CELSR2: variants seen among roughly 807,000 people sequenced by gnomAD.
CELSR2 encodes the protein cadherin EGF LAG seven-pass G-type receptor 2.
CELSR2 carries 81 observed loss-of-function variants against 251.6 expected under a neutral mutation model. The ratio of observed to expected loss-of-function variants is 0.32; its 90% CI spans 0.27 to 0.39. The LOEUF is 0.39. CELSR2 is among the 10% of genes least tolerant of loss of function. The probability of loss-of-function intolerance (pLI) is 1.00; values close to 1 mark genes in which losing one functional copy is unlikely to be tolerated. For synonymous variants in CELSR2, 1,721 were observed against 1,670.5 expected (o/e 1.03, Z -0.74); for missense variants, 3,365 against 3,947.7 (o/e 0.85, Z 3.96).
In CELSR2 at chr1:109,265,247, A is replaced by G; in HGVS notation, c.5663A>G (p.Asn1888Ser). The change falls in exon 13 of 34, where the codon AAC becomes AGC. Residue 1888 changes from asparagine (N) to serine (S), a missense_variant. By Grantham distance (46) the Asn-to-Ser change is conservative (BLOSUM62 1). Coordinates refer to ENST00000271332, the MANE Select transcript of CELSR2 (RefSeq NM_001408.3). Reference protein sequence around the residue: ...WWGHPTCGPCNCDVSKGFDPD... With the variant: ...WWGHPTCGPCSCDVSKGFDPD... ...GGACATCCCACATGTGGCCCATGCA[A>G]CTGTGATGTCAGCAAAGGCTTTGAC... is the stretch of plus-strand genomic sequence containing the variant. 1.2e-6 allele frequency: 2 copies of G among 1,613,098 alleles called. No homozygotes were observed. The highest frequency in any genetic ancestry group is 2.2e-5 in the East Asian group (1 of 44,884).
intron 13 of CELSR2, 36 bp from the exon 14 acceptor site, chr1:109,265,699 C>CCG: frequency 6.3e-7 from 1 of 1,588,358 alleles, no homozygotes; most frequent in Non-Finnish European, 8.6e-7. Context: ...GGGAAGAGAG[C>CCG]CTGGCCAGTG....
chr1:109,263,125 C>T lies in CELSR2; in HGVS notation c.4709-17C>T, dbSNP rs774285379. On this transcript the variant is annotated splice_polypyrimidine_tract_variant and intron_variant, in intron 7 of 33. Transcript: ENST00000271332. ...GCCCCAGCTCAGGTCCACTGAGCTG[C>T]CTTCTCTCCATTCCAGGCTGCCCTG... is the stretch of plus-strand genomic sequence containing the variant. The T allele has an allele frequency of 1.9e-6, 3 of 1,591,428 alleles. No individual in the cohort carries two copies. In the South Asian group the frequency reaches 3.3e-5, roughly 18 times the overall value.
At position 109,252,256 on chromosome 1, in the gene CELSR2, C is replaced by T. The variant is rs141335436; in HGVS notation, c.2177C>T (p.Pro726Leu). Residue 726 changes from proline to leucine, a missense_variant, in exon 1 of 34, where the codon CCG (proline) becomes CTG (leucine). By Grantham distance (98) the Pro-to-Leu change is moderately conservative. Around this residue, in one of 5 missense-constraint regions of CELSR2, gnomAD observed 505 missense variants for 660.0 expected, o/e 0.77. Transcript: ENST00000271332. The surrounding 1 kb of genome is among the most constrained non-coding windows in gnomAD (Gnocchi z 4.8). ...ACAGTGAATGTTAATGAGGACCGGC[C>T]GGCAGGCACCACGGTGGTGCTGATC... ...HYTVNVNEDR[P>L]AGTTVVLISA... is the part of the protein sequence containing the mutation. The T allele has an allele frequency of 3.1e-6, 5 of 1,613,372 alleles. No homozygotes were observed. Among genetic ancestry groups the T allele is most frequent in the South Asian group, 2.2e-5 (2 of 91,084 alleles).
Position 109,251,719 on chromosome 1 carries a change from T to G in CELSR2, c.1640T>G (p.Val547Gly), listed in dbSNP as rs1655696736. 6.2e-7 allele frequency: 1 copy of G among 1,613,818 alleles called. No individual in the cohort carries two copies. The highest frequency in any genetic ancestry group is 1.3e-5 in the African/African-American group (1 of 74,832). ...NARLEYRLAG[V>G]GHDFPFTINN... ...CGCCTGGAATACCGCCTTGCTGGGG[T>G]GGGACATGACTTCCCCTTCACCATC... Residue 547 changes from valine to glycine, a missense_variant, in exon 1 of 34, where the codon GTG becomes GGG. Physicochemically the swap from Val to Gly is moderately radical, Grantham distance 109. This residue lies in a region of CELSR2 where 704 missense variants were observed against 784.1 expected (regional missense o/e 0.90). Coordinates refer to ENST00000271332, the MANE Select transcript of CELSR2 (RefSeq NM_001408.3). The surrounding 1 kb of genome is among the most constrained non-coding windows in gnomAD (Gnocchi z 4.9).
In CELSR2 at chr1:109,270,129, T is replaced by C; in HGVS notation, c.7304T>C (p.Leu2435Pro). 1 of 1,613,756 alleles carries C rather than the reference T, an allele frequency of 6.2e-7. No individual in the cohort carries two copies. The part of the protein sequence containing the change: ...VFLLGINQAD[L>P]PFACTVIAIL... ...CTCCTGGGAATCAACCAGGCTGACCTCCCTGTAAGATGCTCCTACTGCCCA... is the reference window on the plus strand; with the variant it reads ...CTCCTGGGAATCAACCAGGCTGACCCCCCTGTAAGATGCTCCTACTGCCCA... Residue 2435 changes from leucine (L) to proline (P), a missense_variant, in exon 23 of 34, where the codon CTC (leucine) becomes CCC (proline). Physicochemically the swap from Leu to Pro is moderately conservative, Grantham distance 98. Transcript: ENST00000271332.
chr1:109,250,908 A>G lies in CELSR2; in HGVS notation c.829A>G (p.Ile277Val), dbSNP rs749378449. 4 of 1,613,808 alleles carry G rather than the reference A, an allele frequency of 2.5e-6. No individual in the cohort carries two copies. The African/African-American group carries it at 4.0e-5, about 16-fold the overall frequency. ...PRRSALATLT[I>V]LVTDTNDHDP... ...ACGAAGTGCCCTGGCTACACTCACC[A>G]TCTTGGTTACTGACACCAATGACCA... Residue 277 changes from isoleucine to valine, a missense_variant, in exon 1 of 34, where the codon ATC (isoleucine) becomes GTC (valine). Physicochemically the swap from Ile to Val is conservative, Grantham distance 29 (BLOSUM62 3). This residue lies in a region of CELSR2 where 704 missense variants were observed against 784.1 expected (regional missense o/e 0.90). Transcript: ENST00000271332. The surrounding 1 kb of genome is among the most constrained non-coding windows in gnomAD (Gnocchi z 4.4).
chr1:109,267,973 C>G lies in CELSR2; in HGVS notation c.6231C>G (p.Ala2077=), dbSNP rs749299951. ...ACTTCGGCAGCGACGTCAAGGTGGC[C>G]TACCAGCTGGCCACGCGGCTGCTGG... ...AGYFGSDVKV[A]YQLATRLLAH... The change falls in exon 17 of 34, where the codon GCC becomes GCG. Residue 2077 remains alanine, a synonymous_variant. Coordinates refer to ENST00000271332, the MANE Select transcript of CELSR2 (RefSeq NM_001408.3). 6.2e-7 allele frequency: 1 copy of G among 1,611,418 alleles called. No homozygotes were observed. The highest frequency in any genetic ancestry group is 1.7e-5 in the Admixed American group (1 of 60,014).
chr1:109,271,384 A>T lies in CELSR2; in HGVS notation c.7677-2A>T. ...GGACTCATGGCCTGTCCCTATCCCC[A>T]GCTCGGGCCTGCAGCCCTCCTTCGC... On this transcript the variant is annotated splice_acceptor_variant, in intron 26 of 33. Coordinates refer to ENST00000271332, the MANE Select transcript of CELSR2 (RefSeq NM_001408.3). LOFTEE classifies it high-confidence loss of function. 6.2e-7 allele frequency: 1 copy of T among 1,611,338 alleles called. No individual in the cohort carries two copies. Among genetic ancestry groups the T allele is most frequent in the Non-Finnish European group, 8.5e-7 (1 of 1,179,456 alleles).
rs200743255 is a variant in CELSR2 at position 109,271,668 on chromosome 1, C to T, written c.7872C>T (p.Cys2624=). ...TCCGGAAAGCACTCAAGCTTGCCTG[C>T]AGCCGCAAGCCCAGCCCTGACCCTG... ...KEVRKALKLA[C]SRKPSPDPAL... Residue 2624 remains cysteine (C), a synonymous_variant, in exon 28 of 34, where the codon TGC becomes TGT. Coordinates refer to ENST00000271332, the MANE Select transcript of CELSR2 (RefSeq NM_001408.3). 128 of 1,613,932 alleles carry T rather than the reference C, an allele frequency of 7.9e-5. No individual in the cohort carries two copies. The highest frequency in any genetic ancestry group is 1.1e-4 in the Non-Finnish European group (125 of 1,180,044).
chr1:109,262,563 A>C (rs1240401923), intron 6 of CELSR2, 119 bp downstream of exon 6: 4 of 1,419,100 alleles, frequency 2.8e-6, no homozygotes, highest in East Asian at 2.4e-5. Flanking sequence ...GCCCCTGCTC[A>C]GCCCTGGGGA....
In CELSR2 at chr1:109,265,304, A is replaced by C. The variant is rs536214558; in HGVS notation, c.5720A>C (p.His1907Pro). The change falls in exon 13 of 34, where the codon CAC (histidine) becomes CCC (proline). Residue 1907 changes from histidine to proline, a missense_variant. His to Pro is a moderately conservative substitution (Grantham distance 77). Around this residue, in one of 5 missense-constraint regions of CELSR2, gnomAD observed 2,093 missense variants for 2,382.8 expected, o/e 0.88. Transcript: ENST00000271332. Reference sequence around the variant, plus strand: ...TGCAACAAGACAAGCGGCGAGTGCCACTGCAAGGTGACAGCCCCAAGCAAG... The same window carrying C: ...TGCAACAAGACAAGCGGCGAGTGCCCCTGCAAGGTGACAGCCCCAAGCAAG... ...PDCNKTSGEC[H>P]CKENHYRPPG... 6 of 1,602,332 alleles carry C rather than the reference A, an allele frequency of 3.7e-6. No homozygotes were observed. The African/African-American group carries it at 5.4e-5, about 14-fold the overall frequency.
In CELSR2 at chr1:109,272,259, C is replaced by A; in HGVS notation, c.7927-19C>A. On this transcript the variant is annotated intron_variant, in intron 28 of 33. Transcript: ENST00000271332. ...GCCATCCCACTCCCCACTTACTGAC[C>A]TCTCTGTTCCCTGCCTAGTCCTACA... 6.4e-7 allele frequency: 1 copy of A among 1,553,160 alleles called. No homozygotes were observed. Among genetic ancestry groups the A allele is most frequent in the Non-Finnish European group, 8.7e-7 (1 of 1,146,574 alleles).
At chr1:109,266,359 C>T in intron 15 of CELSR2, 153 bp downstream of exon 15, 1 of 892,990 alleles carries the variant, frequency 1.1e-6, no homozygotes, top group Non-Finnish European at 1.7e-6. Context: ...GTTCACATTC[C>T]CCCTTCCCCA....
In CELSR2 at chr1:109,263,774, A is replaced by G. The variant is rs1656101111; in HGVS notation, c.4998A>G (p.Leu1666=). The G allele has an allele frequency of 6.2e-7, 1 of 1,612,598 alleles. No homozygotes were observed. The highest frequency in any genetic ancestry group is 8.5e-7 in the Non-Finnish European group (1 of 1,179,670). Residue 1666 remains leucine, a synonymous_variant, in exon 9 of 34, where the codon CTA becomes CTG. Transcript: ENST00000271332. ...AITRGRSTIT[L]QLREGHVMLS... ...CCAGGGGGCGCAGCACCATCACCCTACAGGTGATGCATGGAAGGGCGGCTG... is the reference window on the plus strand; with the variant it reads ...CCAGGGGGCGCAGCACCATCACCCTGCAGGTGATGCATGGAAGGGCGGCTG...
At chr1:109,270,820 C>T (rs1479833862) in intron 24 of CELSR2, 107 bp from the exon 25 acceptor site, 24 of 1,002,440 alleles carry the variant, frequency 2.4e-5, no homozygotes, top group Non-Finnish European at 3.5e-5. Flanking sequence ...GTGGGCAGAA[C>T]CCTTTTCCAT....
Position 109,264,260 on chromosome 1 carries a change from C to T in CELSR2, c.5184C>T (p.Gly1728=). Residue 1728 remains glycine (G), a synonymous_variant, in exon 10 of 34, where the codon GGC becomes GGT. Coordinates refer to ENST00000271332, the MANE Select transcript of CELSR2 (RefSeq NM_001408.3). ...ATTATGGGCAGCAGAGAGCAGAGGG[C>T]AACCTGGGCCCCCGGCTGCATGGTC... ...SFDYGQQRAE[G]NLGPRLHGLH... is the part of the protein sequence containing the mutation. 1 of 1,614,012 alleles carries T rather than the reference C, an allele frequency of 6.2e-7. No individual in the cohort carries two copies.
chr1:109,250,403 A>T lies in CELSR2; in HGVS notation c.324A>T (p.Glu108Asp), dbSNP rs373879562. ...ATATTCCCCTACCACCAGCTCCTGA[A>T]GGCTGCCCCTGGAGCTGTCGCCTCC... ...EAHIPLPPAP[E>D]GCPWSCRLLG... is the part of the protein sequence containing the mutation. The change falls in exon 1 of 34, where the codon GAA becomes GAT. Residue 108 changes from glutamate (E) to aspartate (D), a missense_variant. Around this residue, in one of 5 missense-constraint regions of CELSR2, gnomAD observed 704 missense variants for 784.1 expected, o/e 0.90. Coordinates refer to ENST00000271332, the MANE Select transcript of CELSR2 (RefSeq NM_001408.3). This position sits in a 1 kb window ranked among gnomAD's most constrained non-coding sequence, Gnocchi z 4.4. 1.2e-5 allele frequency: 20 copies of T among 1,613,466 alleles called. No homozygotes were observed. The African/African-American group carries it at 2.5e-4, about 20-fold the overall frequency.
rs774766509 is a variant in CELSR2 at position 109,262,840 on chromosome 1, G to A, written c.4579G>A (p.Gly1527Arg). The stretch of plus-strand genomic sequence containing the variant: ...TCTGACGGGGCCCCTGCTACTAGGC[G>A]GGGTGCCTGACCTGCCCGAGAGCTT... The part of the protein sequence containing the change: ...LDLTGPLLLG[G>R]VPDLPESFPV... Residue 1527 changes from glycine (G) to arginine (R), a missense_variant, in exon 7 of 34, where the codon GGG becomes AGG. Around this residue, in one of 5 missense-constraint regions of CELSR2, gnomAD observed 2,093 missense variants for 2,382.8 expected, o/e 0.88. Transcript: ENST00000271332. 80 of 1,613,444 alleles carry A rather than the reference G, an allele frequency of 5.0e-5. No homozygotes were observed. The highest frequency in any genetic ancestry group is 3.4e-6 in the Non-Finnish European group (4 of 1,179,952).
chr1:109,261,215 A>G lies in CELSR2; in HGVS notation c.4132A>G (p.Ile1378Val). The change falls in exon 3 of 34, where the codon ATC becomes GTC. Residue 1378 changes from isoleucine (I) to valine (V), a missense_variant. This residue lies in a region of CELSR2 where 2,093 missense variants were observed against 2,382.8 expected (regional missense o/e 0.88). Coordinates refer to ENST00000271332, the MANE Select transcript of CELSR2 (RefSeq NM_001408.3). The surrounding 1 kb of genome is among the most constrained non-coding windows in gnomAD (Gnocchi z 4.8). ...TTRSFPAHSF[I>V]TFRGLRQRFH... ...GCGCAGCTTCCCCGCCCACTCCTTC[A>G]TCACCTTTCGCGGCCTGCGCCAGCG... 2 of 1,614,006 alleles carry G rather than the reference A, an allele frequency of 1.2e-6. No individual in the cohort carries two copies. Among genetic ancestry groups the G allele is most frequent in the Non-Finnish European group, 1.7e-6 (2 of 1,180,008 alleles).
Sources: gnomAD v4.1 joint callset for allele counts on GRCh38, gnomAD v4.1.1 for gene constraint, gnomAD v4.1.1 regional missense constraint, Gnocchi (gnomAD v3.1) non-coding constraint, MANE v1.5 for transcripts, NCBI Gene and HGNC (gene_info 2026-07-23, HGNC 2026-07-21) for gene names.